FAM135B: variants seen among roughly 807,000 people sequenced by gnomAD.
The protein encoded by FAM135B is family with sequence similarity 135 member B.
A neutral mutation model predicts 127.7 loss-of-function variants in FAM135B; 43 were observed. The observed-to-expected ratio is 0.34, with a 90% CI of 0.26 to 0.43. FAM135B has a LOEUF of 0.43. Ranked by LOEUF, FAM135B falls within the 20% of genes least tolerant of loss-of-function variation. The pLI is 1.00. For synonymous variants in FAM135B, 670 were observed against 665.1 expected (o/e 1.01, Z -0.11); for missense variants, 1,558 against 1,725.6 (o/e 0.90, Z 1.72).
At position 138,151,587 on chromosome 8, in the gene FAM135B, A is replaced by C. The variant is rs1431812225; in HGVS notation, c.2888T>G (p.Met963Arg). The change falls in exon 13 of 20, where the codon ATG becomes AGG. Residue 963 changes from methionine to arginine, a missense_variant. By Grantham distance (91) the Met-to-Arg change is moderately conservative. Around this residue, in one of 5 missense-constraint regions of FAM135B, gnomAD observed 923 missense variants for 865.3 expected, o/e 1.07. Transcript: ENST00000395297. ...TCCTCTATTAAATGCTGTGTCATCC[A>C]TAATGCAAGGTGAACCGCTTTGGCT... ...QQSQSGSPCI[M>R]DDTAFNRGVN... The C allele has an allele frequency of 1.2e-6, 2 of 1,614,202 alleles. No individual in the cohort carries two copies. Among genetic ancestry groups the C allele is most frequent in the South Asian group, 1.1e-5 (1 of 91,078 alleles).
At chr8:138,196,532 G>A (rs1816645842) in intron 8 of FAM135B, among the ~76,000 whole-genome samples, 2 of 152,282 alleles carry the variant, frequency 1.3e-5, no homozygotes, top group Admixed American at 1.3e-4. Flanking sequence ...AGCAAAACAT[G>A]CAAATAAATT....
chr8:138,275,774 G>C (rs1217318084), intron 3 of FAM135B, among the ~76,000 whole-genome samples: 1 of 152,142 alleles, frequency 6.6e-6, no homozygotes, highest in Non-Finnish European at 1.5e-5. Context: ...GAAATCTAAA[G>C]TCTTTACTAT....
intron 7 of FAM135B, among the ~76,000 whole-genome samples, chr8:138,214,406 C>T (rs1818387857): frequency 6.6e-6 from 1 of 152,130 alleles, no homozygotes; most frequent in Non-Finnish European, 1.5e-5. Context: ...GGACTAGGCA[C>T]CAAGCTGAAC....
intron 1 of FAM135B, among the ~76,000 whole-genome samples, chr8:138,454,444 T>C (rs982214865): frequency 1.3e-5 from 2 of 152,168 alleles, no homozygotes; most frequent in African/African-American, 4.8e-5. Context: ...AACTGTCAAA[T>C]TCCAGCCTCT....
At chr8:138,372,576 C>T (rs1214107069) in intron 1 of FAM135B, among the ~76,000 whole-genome samples, 1 of 152,138 alleles carries the variant, frequency 6.6e-6, no homozygotes, top group Admixed American at 6.6e-5. Flanking sequence ...CCTCATTTTC[C>T]TTGTTTGTAA....
At chr8:138,157,501 C>A (rs531371701) in intron 12 of FAM135B, among the ~76,000 whole-genome samples, 7 of 152,284 alleles carry the variant, frequency 4.6e-5, no homozygotes, top group African/African-American at 1.4e-4. Context: ...AAGAGGAAGT[C>A]AAATTGTCTC....
chr8:138,462,168 A>G (rs1230832584), intron 1 of FAM135B, among the ~76,000 whole-genome samples: 3 of 152,352 alleles, frequency 2.0e-5, no homozygotes, highest in African/African-American at 7.2e-5. Flanking sequence ...TATGTTATAC[A>G]TTAAAAGTAT....
At chr8:138,357,245 A>G (rs1257417930) in intron 2 of FAM135B, among the ~76,000 whole-genome samples, 3 of 152,308 alleles carry the variant, frequency 2.0e-5, no homozygotes, top group East Asian at 1.9e-4. Flanking sequence ...ATGCTCTTAA[A>G]TGCATTATAA....
chr8:138,294,207 T>G (rs1004680537), intron 3 of FAM135B, among the ~76,000 whole-genome samples: 2 of 152,020 alleles, frequency 1.3e-5, no homozygotes, highest in Non-Finnish European at 2.9e-5. Context: ...TGGAAAGGTA[T>G]GCAGTGTGGT....
chr8:138,365,040 T>C (rs955831250), intron 2 of FAM135B, among the ~76,000 whole-genome samples: 1 of 152,094 alleles, frequency 6.6e-6, no homozygotes, highest in African/African-American at 2.4e-5. Context: ...AGAGATGGAC[T>C]TTCACCATGT....
intron 7 of FAM135B, among the ~76,000 whole-genome samples, chr8:138,228,039 C>A (rs1056786026): frequency 1.3e-5 from 2 of 152,026 alleles, no homozygotes; most frequent in South Asian, 4.1e-4. Context: ...GAAAAGCATC[C>A]GTTTCTGAGC....
At chr8:138,482,577 G>A (rs1447779496) in intron 1 of FAM135B, among the ~76,000 whole-genome samples, 6 of 152,060 alleles carry the variant, frequency 3.9e-5, no homozygotes. Flanking sequence ...GTCCTACCTA[G>A]TAACAGTAGC....
At chr8:138,298,965 C>T (rs1825669865) in intron 3 of FAM135B, among the ~76,000 whole-genome samples, 1 of 151,800 alleles carries the variant, frequency 6.6e-6, no homozygotes, top group Non-Finnish European at 1.5e-5. Context: ...GAGGCTGAGG[C>T]ACAAGAATCA....
At chr8:138,476,346 T>G (rs1021357535) in intron 1 of FAM135B, among the ~76,000 whole-genome samples, 1 of 152,142 alleles carries the variant, frequency 6.6e-6, no homozygotes, top group Non-Finnish European at 1.5e-5. Context: ...TGAACCCTGA[T>G]GTAAACCATG....
At chr8:138,413,546 G>T in intron 1 of FAM135B, among the ~76,000 whole-genome samples, 1 of 152,084 alleles carries the variant, frequency 6.6e-6, no homozygotes, top group East Asian at 1.9e-4. Flanking sequence ...AACTTTGCTG[G>T]AACAACAACC....
chr8:138,415,442 T>C (rs532982198), intron 1 of FAM135B, among the ~76,000 whole-genome samples: 3 of 152,246 alleles, frequency 2.0e-5, no homozygotes, highest in African/African-American at 4.8e-5. Context: ...GACAAATGAT[T>C]TAATCATAGA....
intron 9 of FAM135B, among the ~76,000 whole-genome samples, chr8:138,188,596 T>C (rs1815798160): frequency 6.6e-6 from 1 of 152,192 alleles, no homozygotes; most frequent in African/African-American, 2.4e-5. Context: ...GACTTGGGAA[T>C]GTGTTTCAGC....
At chr8:138,340,972 T>C (rs1587152145) in intron 2 of FAM135B, among the ~76,000 whole-genome samples, 1 of 152,220 alleles carries the variant, frequency 6.6e-6, no homozygotes, top group Non-Finnish European at 1.5e-5. Flanking sequence ...TTTCCTAGTA[T>C]AGGAACACTG....
chr8:138,408,354 C>T (rs1833655912), intron 1 of FAM135B, among the ~76,000 whole-genome samples: 1 of 152,298 alleles, frequency 6.6e-6, no homozygotes, highest in Non-Finnish European at 1.5e-5. Context: ...TATATCAGTA[C>T]TTGTTCCTTC....
Sources: allele counts gnomAD v4.1 joint callset (sites outside exome capture counted in the v4.1 genomes callset), GRCh38; gene constraint gnomAD v4.1.1; regional missense constraint gnomAD v4.1.1; transcripts MANE v1.5; gene names NCBI Gene and HGNC (gene_info 2026-07-23, HGNC 2026-07-21).